The following WDR48 variants were observed in gnomAD, a reference collection of about 807,000 sequenced individuals.
WDR48 encodes the protein WD repeat-containing protein 48.
Under a neutral mutation model 94.0 loss-of-function variants are expected in WDR48, and 22 were observed. The ratio of observed to expected loss-of-function variants is 0.23; its 90% CI spans 0.17 to 0.33. WDR48 has a LOEUF of 0.33. Ranked by LOEUF, WDR48 falls within the 10% of genes least tolerant of loss-of-function variation. The pLI, the probability that WDR48 is intolerant of heterozygous loss-of-function variation, is 1.00. For synonymous variants in WDR48, 278 were observed against 280.5 expected (o/e 0.99, Z 0.09); for missense variants, 541 against 813.8 (o/e 0.66, Z 4.08).
chr3:39,066,029 C>CA, intron 3 of WDR48, 140 bp downstream of exon 3: 1 of 606,016 alleles, frequency 1.7e-6, no homozygotes, highest in South Asian at 2.6e-5. Flanking sequence ...AGTGAATACC[C>CA]AAATCAAGAA....
intron 7 of WDR48, among the ~76,000 whole-genome samples, chr3:39,070,952 G>A (rs1283601372): frequency 2.6e-5 from 4 of 151,988 alleles, no homozygotes; most frequent in African/African-American, 7.3e-5. Context: ...TTGTTCTTGC[G>A]ATAGTTTACT....
chr3:39,085,331 T>C (rs957208590), intron 13 of WDR48, among the ~76,000 whole-genome samples, 184 bp from the exon 14 acceptor site: 2 of 152,222 alleles, frequency 1.3e-5, no homozygotes, highest in Non-Finnish European at 2.9e-5. Flanking sequence ...GCTTTAAACA[T>C]TCTAAGATAA....
intron 14 of WDR48, among the ~76,000 whole-genome samples, chr3:39,086,759 T>C (rs2034829357): frequency 6.6e-6 from 1 of 152,194 alleles, no homozygotes; most frequent in Admixed American, 6.5e-5. Context: ...AGGATTAAGT[T>C]ATCAAAACAG....
Position 39,079,803 on chromosome 3 carries a change from T to C in WDR48, c.1168T>C (p.Leu390=). The C allele has an allele frequency of 6.5e-7, 1 of 1,534,048 alleles. No individual in the cohort carries two copies. Among genetic ancestry groups the C allele is most frequent in the Non-Finnish European group, 8.7e-7 (1 of 1,148,896 alleles). Residue 390 remains leucine, a synonymous_variant, in exon 11 of 19, where the codon TTG becomes CTG. Coordinates refer to ENST00000302313, the MANE Select transcript of WDR48 (RefSeq NM_020839.4). The part of the protein sequence containing the change: ...TNNNVAYWDV[L]KACKVEDLGK... ...TAATAATGTGGCATATTGGGATGTA[T>C]TGAAGGTGAGTATTTTTTTTGGGCT...
chr3:39,075,929 C>T (rs2034200381), intron 8 of WDR48, among the ~76,000 whole-genome samples: 1 of 152,072 alleles, frequency 6.6e-6, no homozygotes, highest in Non-Finnish European at 1.5e-5. Flanking sequence ...ATCTCCTGAC[C>T]TGGTGATCTG....
chr3:39,058,796 G>T (rs1026866205), intron 1 of WDR48, among the ~76,000 whole-genome samples: 1 of 152,180 alleles, frequency 6.6e-6, no homozygotes, highest in East Asian at 1.9e-4. Context: ...TATAAATGTG[G>T]CTGGGCGCGG....
chr3:39,055,416 C>T (rs753475095), intron 1 of WDR48, among the ~76,000 whole-genome samples: 5 of 152,120 alleles, frequency 3.3e-5, no homozygotes, highest in Non-Finnish European at 7.4e-5. Context: ...ACCCAGGAGG[C>T]GGAGGTTGCA....
chr3:39,058,803 G>A (rs572755790), intron 1 of WDR48, among the ~76,000 whole-genome samples: 183 of 152,272 alleles, frequency 1.2e-3, no homozygotes, highest in Non-Finnish European at 1.3e-3. Context: ...GTGGCTGGGC[G>A]CGGTGGCTCA....
chr3:39,085,025 A>G (rs188465751), intron 13 of WDR48, among the ~76,000 whole-genome samples: 2,186 of 152,320 alleles, frequency 0.014, 20 homozygotes, highest in Non-Finnish European at 0.018. Context: ...CAGGGGATCG[A>G]GACCATCCTG....
chr3:39,066,714 G>A, intron 4 of WDR48, 32 bp from the exon 5 acceptor site: 1 of 1,612,950 alleles, frequency 6.2e-7, no homozygotes. Flanking sequence ...CTGATCTACA[G>A]AATAGATCAT....
intron 14 of WDR48, among the ~76,000 whole-genome samples, chr3:39,087,138 A>T (rs921250404): frequency 6.6e-6 from 1 of 152,196 alleles, no homozygotes; most frequent in Admixed American, 6.5e-5. Context: ...CACAAATGCT[A>T]TAGGATTTCA....
At chr3:39,092,352 G>A (rs529284409) in intron 17 of WDR48, among the ~76,000 whole-genome samples, 2 of 152,316 alleles carry the variant, frequency 1.3e-5, no homozygotes, top group African/African-American at 4.8e-5. Context: ...TGGAATTTGA[G>A]TTGGACATGT....
intron 11 of WDR48, among the ~76,000 whole-genome samples, chr3:39,080,928 G>GA (rs1474046734): frequency 6.6e-6 from 1 of 152,162 alleles, no homozygotes; most frequent in Non-Finnish European, 1.5e-5. Context: ...GTGTAAGATT[G>GA]AAAAATGACA....
intron 2 of WDR48, among the ~76,000 whole-genome samples, chr3:39,064,860 T>A (rs1364135169): frequency 6.6e-6 from 1 of 152,224 alleles, no homozygotes; most frequent in East Asian, 1.9e-4. Flanking sequence ...GTAAGAAAAC[T>A]ATGTTTGGCT....
intron 17 of WDR48, 30 bp from the exon 18 acceptor site, chr3:39,093,841 CTGA>C: frequency 6.8e-7 from 1 of 1,474,056 alleles, no homozygotes; most frequent in South Asian, 1.5e-5. Flanking sequence ...AGTGATTTCC[CTGA>C]TGTCACAATA....
intron 11 of WDR48, 119 bp from the exon 12 acceptor site, chr3:39,084,035 TG>T (rs2034675877): frequency 1.7e-6 from 1 of 601,064 alleles, no homozygotes; most frequent in Admixed American, 3.5e-5. Flanking sequence ...CTTTTTGAAA[TG>T]TATTTTAGAC....
chr3:39,067,588 C>G (rs968069251), intron 5 of WDR48, among the ~76,000 whole-genome samples: 2 of 152,170 alleles, frequency 1.3e-5, no homozygotes, highest in Admixed American at 1.3e-4. Context: ...TCAGAAGGGA[C>G]TGTTAGGAGC....
Position 39,088,153 on chromosome 3 carries a change from G to A in WDR48, c.1500G>A (p.Val500=). ...NHVNGEQENR[V]QKGNGYFQVP... Reference sequence around the variant, plus strand: ...TAAATGGGGAGCAGGAGAACCGAGTGCAGAAGGGAAATGGATATTTTCAAG... The same window carrying A: ...TAAATGGGGAGCAGGAGAACCGAGTACAGAAGGGAAATGGATATTTTCAAG... The change falls in exon 15 of 19, where the codon GTG becomes GTA. Residue 500 remains valine, a synonymous_variant. Transcript: ENST00000302313. 3 of 1,614,140 alleles carry A rather than the reference G, an allele frequency of 1.9e-6. No individual in the cohort carries two copies. Among genetic ancestry groups the A allele is most frequent in the Non-Finnish European group, 2.5e-6 (3 of 1,180,024 alleles).
chr3:39,088,039 C>T (rs1268280384), intron 14 of WDR48, 89 bp from the exon 15 acceptor site: 3 of 1,207,232 alleles, frequency 2.5e-6, no homozygotes, highest in Non-Finnish European at 3.6e-6. Context: ...TTTAATCTTG[C>T]AATGTTTGAA....
Sources: allele counts gnomAD v4.1 joint callset (sites outside exome capture counted in the v4.1 genomes callset), GRCh38; gene constraint gnomAD v4.1.1; transcripts MANE v1.5; gene names NCBI Gene and HGNC (gene_info 2026-07-23, HGNC 2026-07-21).